The following C2CD4A variants were observed in gnomAD, a reference collection of about 807,000 sequenced individuals.
C2CD4A encodes the protein C2 calcium-dependent domain-containing protein 4A.
In C2CD4A, 2 loss-of-function variants were observed where a neutral mutation model predicts 0.4. The observed-to-expected ratio is 4.45, with a 90% CI of 1.82 to 13.99. The LOEUF is 13.99. Ranked by LOEUF, C2CD4A falls within the 30% of genes most tolerant of loss-of-function variation. The pLI, the probability that C2CD4A is intolerant of heterozygous loss-of-function variation, is 0.04. For synonymous variants in C2CD4A, 297 were observed against 280.8 expected, an observed-to-expected ratio of 1.06 and a Z score of -0.58; for missense variants, 610 against 574.2, an observed-to-expected ratio of 1.06 and a Z score of -0.64.
Position 62,068,165 on chromosome 15 carries a change from C to A in C2CD4A, c.552C>A (p.Val184=). 8.1e-7 allele frequency: 1 copy of A among 1,238,718 alleles called. No individual in the cohort carries two copies. The highest frequency in any genetic ancestry group is 1.0e-6 in the Non-Finnish European group (1 of 994,436). 76.7% of individuals were successfully genotyped at this position (1,238,718 alleles called of 1,614,324 possible). The change falls in exon 2 of 2, where the codon GTC becomes GTA. Residue 184 remains valine (V), a synonymous_variant. Transcript: ENST00000355522. ...CCCGCGGCTGCCGCCTCCTGCGCGTCCCCGACGGGCTGCTGAGTCGCGCGC... is the reference window on the plus strand; with the variant it reads ...CCCGCGGCTGCCGCCTCCTGCGCGTACCCGACGGGCTGCTGAGTCGCGCGC... ...RRPRGCRLLR[V]PDGLLSRALR... is the part of the protein sequence containing the mutation.
In C2CD4A at chr15:62,068,492, C is replaced by T. The variant is rs747068022; in HGVS notation, c.879C>T (p.Arg293=). ...GAPGPRAVSC[R]LSLVLRPPGT... is the part of the protein sequence containing the mutation. ...CCGGGCCCCGAGCCGTCAGCTGTCG[C>T]CTCAGCCTCGTCCTGCGGCCGCCGG... The change falls in exon 2 of 2, where the codon CGC becomes CGT. Residue 293 remains arginine, a synonymous_variant. Transcript: ENST00000355522. 1 of 1,501,588 alleles carries T rather than the reference C, an allele frequency of 6.7e-7. No homozygotes were observed. Among genetic ancestry groups the T allele is most frequent in the South Asian group, 1.3e-5 (1 of 79,518 alleles). 93.0% of individuals were successfully genotyped at this position (1,501,588 alleles called of 1,614,324 possible).
In C2CD4A at chr15:62,067,565, T is replaced by C; in HGVS notation, c.-29-20T>C. ...TTGCGGGACTCGCTCTGACGATCCT[T>C]GTGCCTTTGTGCACTGCAGGTAGAC... On this transcript the variant is annotated intron_variant, in intron 1 of 1. Transcript: ENST00000355522. The C allele has an allele frequency of 5.9e-6, 9 of 1,529,890 alleles. No individual in the cohort carries two copies. The highest frequency in any genetic ancestry group is 7.9e-6 in the Non-Finnish European group (9 of 1,140,144). 94.8% of individuals were successfully genotyped at this position (1,529,890 alleles called of 1,614,324 possible). A position where few individuals can be genotyped will look rare whatever the true frequency, so the allele number is the denominator to read the frequency against.
rs12911457 is a variant in C2CD4A, at chr15:62,068,017, A to G, written c.404A>G (p.Tyr135Cys). 4 of 1,288,614 alleles carry G rather than the reference A, an allele frequency of 3.1e-6. No individual in the cohort carries two copies. The highest frequency in any genetic ancestry group is 4.2e-5 in the Admixed American group (1 of 23,534). The allele number at this position is 1,288,614 out of a possible 1,614,324, so 79.8% of individuals were successfully genotyped here. ...PPAPRPRAHT[Y>C]GGGGGPDALL... Reference sequence around the variant, plus strand: ...GCGCCCCGGCCCCGGGCCCACACCTACGGCGGCGGCGGCGGCCCGGACGCC... The same window carrying G: ...GCGCCCCGGCCCCGGGCCCACACCTGCGGCGGCGGCGGCGGCCCGGACGCC... Residue 135 changes from tyrosine to cysteine, a missense_variant, in exon 2 of 2, where the codon TAC becomes TGC. Coordinates refer to ENST00000355522, the MANE Select transcript of C2CD4A (RefSeq NM_207322.3).
At position 62,068,484 on chromosome 15, in the gene C2CD4A, A is replaced by T; in HGVS notation, c.871A>T (p.Ser291Cys). ...AGGAPGPRAV[S>C]CRLSLVLRPP... Reference sequence around the variant, plus strand: ...AGGCGCCCCCGGGCCCCGAGCCGTCAGCTGTCGCCTCAGCCTCGTCCTGCG... The same window carrying T: ...AGGCGCCCCCGGGCCCCGAGCCGTCTGCTGTCGCCTCAGCCTCGTCCTGCG... The change falls in exon 2 of 2, where the codon AGC (serine) becomes TGC (cysteine). Residue 291 changes from serine (S) to cysteine (C), a missense_variant. By Grantham distance (112) the Ser-to-Cys change is moderately radical. Transcript: ENST00000355522. 6.8e-7 allele frequency: 1 copy of T among 1,475,054 alleles called. No homozygotes were observed. The highest frequency in any genetic ancestry group is 8.9e-7 in the Non-Finnish European group (1 of 1,117,592). The allele number at this position is 1,475,054 out of a possible 1,614,324, so 91.4% of individuals were successfully genotyped here.
rs1465298666 is a variant in C2CD4A at position 62,068,655 on chromosome 15, C to T, written c.1042C>T (p.Arg348Cys). 6.5e-7 allele frequency: 1 copy of T among 1,549,966 alleles called. No homozygotes were observed. The highest frequency in any genetic ancestry group is 2.0e-5 in the Admixed American group (1 of 51,116). The change falls in exon 2 of 2, where the codon CGC becomes TGC. Residue 348 changes from arginine to cysteine, a missense_variant. Coordinates refer to ENST00000355522, the MANE Select transcript of C2CD4A (RefSeq NM_207322.3). The stretch of plus-strand genomic sequence containing the variant: ...TCGAGTCAAGGCCCGGGACGAGGGC[C>T]GCGGCCGGGAGCGGGGCCGCCTGCT... The part of the protein sequence containing the change: ...AVRVKARDEG[R>C]GRERGRLLGQ...
intron 1 of C2CD4A, 34 bp from the exon 2 acceptor site, chr15:62,067,551 G>A (rs940983696): frequency 6.7e-7 from 1 of 1,502,782 alleles, no homozygotes; most frequent in Non-Finnish European, 8.9e-7. Flanking sequence ...TGCGGGACTC[G>A]CTCTGACGAT....
In C2CD4A at chr15:62,068,399, G is replaced by A. The variant is rs1399503502; in HGVS notation, c.786G>A (p.Glu262=). 12 of 1,398,964 alleles carry A rather than the reference G, an allele frequency of 8.6e-6. No individual in the cohort carries two copies. Among genetic ancestry groups the A allele is most frequent in the Non-Finnish European group, 1.1e-5 (12 of 1,085,002 alleles). The allele number at this position is 1,398,964 out of a possible 1,614,324, so 86.7% of individuals were successfully genotyped here. A position where few individuals can be genotyped will look rare whatever the true frequency, so the allele number is the denominator to read the frequency against. ...RAGDALRLAA[E]YCPGTGRLRL... ...GCGACGCCCTGCGCCTGGCCGCCGA[G>A]TACTGTCCGGGAACCGGGCGGCTCC... Residue 262 remains glutamate (E), a synonymous_variant, in exon 2 of 2, where the codon GAG becomes GAA. Coordinates refer to ENST00000355522, the MANE Select transcript of C2CD4A (RefSeq NM_207322.3).
At position 62,068,063 on chromosome 15, in the gene C2CD4A, C is replaced by G; in HGVS notation, c.450C>G (p.Val150=). Residue 150 remains valine (V), a synonymous_variant, in exon 2 of 2, where the codon GTC becomes GTG. Transcript: ENST00000355522. ...GPDALLGTLR[V]PRAPGPATPA... is the part of the protein sequence containing the mutation. ...ACGCCCTCCTGGGGACCCTGCGCGTCCCGCGAGCTCCGGGCCCGGCGACCC... is the reference window on the plus strand; with the variant it reads ...ACGCCCTCCTGGGGACCCTGCGCGTGCCGCGAGCTCCGGGCCCGGCGACCC... The G allele has an allele frequency of 8.5e-7, 1 of 1,173,108 alleles. No individual in the cohort carries two copies. The highest frequency in any genetic ancestry group is 1.1e-6 in the Non-Finnish European group (1 of 952,296). 72.7% of individuals were successfully genotyped at this position (1,173,108 alleles called of 1,614,324 possible).
Position 62,070,909 on chromosome 15 carries a change from T to C in C2CD4A, c.*2186T>C, listed in dbSNP as rs2049079678. On this transcript the variant is annotated 3_prime_UTR_variant, in exon 2 of 2. Transcript: ENST00000355522. Reference sequence around the variant, plus strand: ...CTTTAAAAGGAAAATAAATGGAGAGTGAAAACAACTTGGCTACGTATAATT... The same window carrying C: ...CTTTAAAAGGAAAATAAATGGAGAGCGAAAACAACTTGGCTACGTATAATT... 1.1e-5 allele frequency: 2 copies of C among 186,716 alleles called. No homozygotes were observed. The highest frequency in any genetic ancestry group is 6.3e-5 in the Admixed American group (1 of 15,910). 11.6% of individuals were successfully genotyped at this position (186,716 alleles called of 1,614,324 possible). A position where few individuals can be genotyped will look rare whatever the true frequency, so the allele number is the denominator to read the frequency against.
Position 62,068,322 on chromosome 15 carries a change from C to G in C2CD4A, c.709C>G (p.Pro237Ala). 1.4e-6 allele frequency: 2 copies of G among 1,417,302 alleles called. No homozygotes were observed. Among genetic ancestry groups the G allele is most frequent in the South Asian group, 1.4e-5 (1 of 69,836 alleles). The allele number at this position is 1,417,302 out of a possible 1,614,324, so 87.8% of individuals were successfully genotyped here. ...CACGAGCCCGCCGTCGTCCCGGGTC[C>G]CGTTTCCCGAGCGCCTGGAGGCCGA... is the stretch of plus-strand genomic sequence containing the variant. Reference protein sequence around the residue: ...PSTSPPSSRVPFPERLEAEGT... With the variant: ...PSTSPPSSRVAFPERLEAEGT... Residue 237 changes from proline (P) to alanine (A), a missense_variant, in exon 2 of 2, where the codon CCG becomes GCG. By Grantham distance (27) the Pro-to-Ala change is conservative. Coordinates refer to ENST00000355522, the MANE Select transcript of C2CD4A (RefSeq NM_207322.3).
Position 62,068,232 on chromosome 15 carries a change from GT to G in C2CD4A, c.620del (p.Val207AlafsTer180), listed in dbSNP as rs2049059474. On this transcript the variant is annotated frameshift_variant, in exon 2 of 2. Transcript: ENST00000355522. The stretch of plus-strand genomic sequence containing the variant: ...TCGCCGCCTGACCCGCGTCCGCTCC[GT>G]CTCCAGCGGGAACGAGGACAAGGAG... ...RSRRLTRVRSVSSGNEDKERR... is the reference protein window; with the variant it reads ...RSRRLTRVRSXSSGNEDKERR... 1.5e-6 allele frequency: 2 copies of G among 1,374,972 alleles called. No homozygotes were observed. The highest frequency in any genetic ancestry group is 3.0e-5 in the African/African-American group (2 of 66,202). The allele number at this position is 1,374,972 out of a possible 1,614,324, so 85.2% of individuals were successfully genotyped here.
rs371139418 is a variant in C2CD4A, at chr15:62,069,137, C to T, written c.*414C>T. On this transcript the variant is annotated 3_prime_UTR_variant, in exon 2 of 2. Coordinates refer to ENST00000355522, the MANE Select transcript of C2CD4A (RefSeq NM_207322.3). ...TTTTGAAGCATTTTGTTTAAGACCC[C>T]GGATAAGAAAATGAGGGCAAAAGAG... is the stretch of plus-strand genomic sequence containing the variant. The T allele has an allele frequency of 1.1e-5, 2 of 183,264 alleles. No homozygotes were observed. The highest frequency in any genetic ancestry group is 1.3e-4 in the Admixed American group (2 of 15,712). The allele number at this position is 183,264 out of a possible 1,614,324, so 11.4% of individuals were successfully genotyped here.
Position 62,068,686 on chromosome 15 carries a change from A to G in C2CD4A, c.1073A>G (p.Gln358Arg), listed in dbSNP as rs1285397131. The G allele has an allele frequency of 9.1e-6, 14 of 1,540,006 alleles. No individual in the cohort carries two copies. The highest frequency in any genetic ancestry group is 2.5e-5 in the East Asian group (1 of 40,586). Residue 358 changes from glutamine to arginine, a missense_variant, in exon 2 of 2, where the codon CAG becomes CGG. Coordinates refer to ENST00000355522, the MANE Select transcript of C2CD4A (RefSeq NM_207322.3). Reference sequence around the variant, plus strand: ...CGGGAGCGGGGCCGCCTGCTGGGCCAGGGTGAGCTGTCCCTGGGCGCCCTC... The same window carrying G: ...CGGGAGCGGGGCCGCCTGCTGGGCCGGGGTGAGCTGTCCCTGGGCGCCCTC... ...RGRERGRLLG[Q>R]GELSLGALLL...
rs1173770866 is a variant in C2CD4A at position 62,068,002 on chromosome 15, C to A, written c.389C>A (p.Pro130His). ...LLLGGPPAPR[P>H]RAHTYGGGGG... ...CTCGGGGGCCCGCCCGCGCCCCGGC[C>A]CCGGGCCCACACCTACGGCGGCGGC... The change falls in exon 2 of 2, where the codon CCC (proline) becomes CAC (histidine). Residue 130 changes from proline (P) to histidine (H), a missense_variant. By Grantham distance (77) the Pro-to-His change is moderately conservative. Transcript: ENST00000355522. 2 of 1,366,168 alleles carry A rather than the reference C, an allele frequency of 1.5e-6. No homozygotes were observed. Among genetic ancestry groups the A allele is most frequent in the Non-Finnish European group, 1.9e-6 (2 of 1,070,798 alleles). 84.6% of individuals were successfully genotyped at this position (1,366,168 alleles called of 1,614,324 possible).
In C2CD4A at chr15:62,067,925, C is replaced by T. The variant is rs1254385680; in HGVS notation, c.312C>T (p.Gly104=). Reference sequence around the variant, plus strand: ...TGCCCCGTGTGCGCACCGCCTACGGCTTCTGCGCGCTGCTCGAGAGCCCGC... The same window carrying T: ...TGCCCCGTGTGCGCACCGCCTACGGTTTCTGCGCGCTGCTCGAGAGCCCGC... The part of the protein sequence containing the change: ...PHLPRVRTAY[G]FCALLESPHT... The change falls in exon 2 of 2, where the codon GGC becomes GGT. Residue 104 remains glycine (G), a synonymous_variant. Coordinates refer to ENST00000355522, the MANE Select transcript of C2CD4A (RefSeq NM_207322.3). 1 of 1,581,604 alleles carries T rather than the reference C, an allele frequency of 6.3e-7. No individual in the cohort carries two copies. Among genetic ancestry groups the T allele is most frequent in the East Asian group, 2.3e-5 (1 of 43,716 alleles).
Position 62,068,197 on chromosome 15 carries a change from C to A in C2CD4A, c.584C>A (p.Ala195Asp), listed in dbSNP as rs370645340. Residue 195 changes from alanine to aspartate, a missense_variant, in exon 2 of 2, where the codon GCT becomes GAT. By Grantham distance (126) the Ala-to-Asp change is moderately radical. Transcript: ENST00000355522. ...PDGLLSRALR[A>D]GRSRRLTRVR... ...GGGCTGCTGAGTCGCGCGCTGCGGGCTGGGAGGAGTCGCCGCCTGACCCGC... is the reference window on the plus strand; with the variant it reads ...GGGCTGCTGAGTCGCGCGCTGCGGGATGGGAGGAGTCGCCGCCTGACCCGC... 1 of 1,332,382 alleles carries A rather than the reference C, an allele frequency of 7.5e-7. No homozygotes were observed. The highest frequency in any genetic ancestry group is 9.6e-7 in the Non-Finnish European group (1 of 1,040,650). The allele number at this position is 1,332,382 out of a possible 1,614,324, so 82.5% of individuals were successfully genotyped here. A position where few individuals can be genotyped will look rare whatever the true frequency, so the allele number is the denominator to read the frequency against.
Position 62,067,858 on chromosome 15 carries a change from A to T in C2CD4A, c.245A>T (p.Asp82Val), listed in dbSNP as rs777666650. The T allele has an allele frequency of 1.9e-6, 3 of 1,608,682 alleles. No individual in the cohort carries two copies. The Admixed American group carries it at 5.0e-5, about 27-fold the overall frequency. The change falls in exon 2 of 2, where the codon GAC becomes GTC. Residue 82 changes from aspartate (D) to valine (V), a missense_variant. Asp to Val is a radical substitution (Grantham distance 152, BLOSUM62 -3). Coordinates refer to ENST00000355522, the MANE Select transcript of C2CD4A (RefSeq NM_207322.3). ...ATGGACGAGGGCGCCGGCCGCACAG[A>T]CTGGGACCCGCGCTCGCAGGCCGCG... ...AGMDEGAGRTDWDPRSQAALS... is the reference protein window; with the variant it reads ...AGMDEGAGRTVWDPRSQAALS...
chr15:62,067,640 G>T lies in C2CD4A; in HGVS notation c.27G>T (p.Leu9Phe). Residue 9 changes from leucine to phenylalanine, a missense_variant, in exon 2 of 2, where the codon TTG (leucine) becomes TTT (phenylalanine). Coordinates refer to ENST00000355522, the MANE Select transcript of C2CD4A (RefSeq NM_207322.3). ...TGTGGTGCCTGGAGCGACTCCGCTTGGGTCCTGAGTGCCTTCGGCGGAGCG... is the reference window on the plus strand; with the variant it reads ...TGTGGTGCCTGGAGCGACTCCGCTTTGGTCCTGAGTGCCTTCGGCGGAGCG... MWCLERLR[L>F]GPECLRRSGD... is the part of the protein sequence containing the mutation. 6.2e-7 allele frequency: 1 copy of T among 1,600,870 alleles called. No individual in the cohort carries two copies.
At position 62,069,400 on chromosome 15, in the gene C2CD4A, T is replaced by C. The variant is rs2049069858; in HGVS notation, c.*677T>C. The C allele has an allele frequency of 6.1e-6, 1 of 164,372 alleles. No homozygotes were observed. Among genetic ancestry groups the C allele is most frequent in the South Asian group, 2.1e-4 (1 of 4,826 alleles). 10.2% of individuals were successfully genotyped at this position (164,372 alleles called of 1,614,324 possible). ...GAATTTGAGACCAGGCTGGGCAACA[T>C]GGGAAGACCGCGTCTCCATAAAAAA... On this transcript the variant is annotated 3_prime_UTR_variant, in exon 2 of 2. Transcript: ENST00000355522.
Sources: allele counts gnomAD v4.1 joint callset, GRCh38; gene constraint gnomAD v4.1.1; transcripts MANE v1.5; gene names NCBI Gene and HGNC (gene_info 2026-07-23, HGNC 2026-07-21).